VAV3: variants seen among roughly 807,000 people sequenced by gnomAD.
VAV3 encodes guanine nucleotide exchange factor VAV3.
In VAV3, 94 loss-of-function variants were observed where a neutral mutation model predicts 131.2. The observed-to-expected ratio is 0.72, with a 90% CI of 0.61 to 0.85. The LOEUF is 0.85. Ranked by LOEUF, VAV3 falls within the 40% of genes least tolerant of loss-of-function variation. The probability of loss-of-function intolerance (pLI) is 0.00; values close to 1 mark genes in which losing one functional copy is unlikely to be tolerated. For synonymous variants in VAV3, 349 were observed against 342.0 expected, an observed-to-expected ratio of 1.02 and a Z score of -0.22; for missense variants, 939 against 1,002.7, an observed-to-expected ratio of 0.94 and a Z score of 0.86.
chr1:107,602,627 G>A, intron 23 of VAV3, 143 bp from the exon 24 acceptor site: 1 of 580,488 alleles, frequency 1.7e-6, no homozygotes, highest in Non-Finnish European at 2.8e-6. Flanking sequence ...ACTGGTGACA[G>A]CTAATTAACA....
At chr1:107,639,936 TAAA>T (rs35664876) in intron 20 of VAV3, among the ~76,000 whole-genome samples, 16 of 139,082 alleles carry the variant, frequency 1.2e-4, no homozygotes, top group African/African-American at 1.1e-4. Flanking sequence ...ACCCTGTATT[TAAA>T]AAAAAAAAAA....
intron 12 of VAV3, among the ~76,000 whole-genome samples, chr1:107,751,674 CG>C (rs541302911): frequency 6.7e-6 from 1 of 148,520 alleles, no homozygotes; most frequent in Non-Finnish European, 1.5e-5. Context: ...CAGAAAGGGG[CG>C]GGGGGGCGCG....
chr1:107,956,413 T>C (rs555110618), intron 1 of VAV3, among the ~76,000 whole-genome samples: 1 of 152,294 alleles, frequency 6.6e-6, no homozygotes, highest in Admixed American at 6.5e-5. Context: ...AGCTTTTGTT[T>C]GGGGTTTCAC....
At chr1:107,728,600 CGTATAT>C (rs55725323) in intron 15 of VAV3, among the ~76,000 whole-genome samples, 2,826 of 136,926 alleles carry the variant, frequency 0.021, 66 homozygotes, top group Middle Eastern at 0.04. Flanking sequence ...TATACGTATA[CGTATAT>C]GTATATGTAT....
At chr1:107,783,894 A>G (rs1484068919) in intron 2 of VAV3, among the ~76,000 whole-genome samples, 1 of 119,830 alleles carries the variant, frequency 8.3e-6, no homozygotes, top group East Asian at 2.7e-4. Flanking sequence ...TAAAAATACA[A>G]AAAAAAAAAA....
At chr1:107,759,916 T>C (rs1664321243) in intron 10 of VAV3, among the ~76,000 whole-genome samples, 1 of 152,190 alleles carries the variant, frequency 6.6e-6, no homozygotes, top group Non-Finnish European at 1.5e-5. Context: ...TTATTATTTT[T>C]TCATAAAATC....
chr1:107,758,864 A>G (rs144693943), intron 10 of VAV3, among the ~76,000 whole-genome samples: 1 of 152,292 alleles, frequency 6.6e-6, no homozygotes, highest in East Asian at 1.9e-4. Flanking sequence ...CAATTCTTAA[A>G]TTATGTTCTA....
intron 2 of VAV3, among the ~76,000 whole-genome samples, chr1:107,833,546 A>G (rs1435319751): frequency 6.6e-6 from 1 of 152,056 alleles, no homozygotes; most frequent in African/African-American, 2.4e-5. Flanking sequence ...GACTAACAAA[A>G]TTTTAGAAAT....
At chr1:107,660,516 T>C (rs1000696058) in intron 19 of VAV3, among the ~76,000 whole-genome samples, 2 of 152,222 alleles carry the variant, frequency 1.3e-5, no homozygotes, top group South Asian at 2.1e-4. Context: ...ACTGGCCTTA[T>C]AGCCTCCCTG....
chr1:107,695,310 T>G (rs1302416782), intron 17 of VAV3, among the ~76,000 whole-genome samples: 1 of 152,102 alleles, frequency 6.6e-6, no homozygotes, highest in African/African-American at 2.4e-5. Context: ...ATAAATTATG[T>G]AAGAATAAGA....
intron 1 of VAV3, among the ~76,000 whole-genome samples, chr1:107,917,835 G>C (rs887549734): frequency 6.6e-6 from 1 of 151,880 alleles, no homozygotes; most frequent in Admixed American, 6.6e-5. Context: ...CTGAAATCCA[G>C]AATACTTTGA....
At chr1:107,942,247 T>C (rs777314036) in intron 1 of VAV3, among the ~76,000 whole-genome samples, 2 of 152,312 alleles carry the variant, frequency 1.3e-5, no homozygotes, top group East Asian at 1.9e-4. Context: ...GAATATTTTA[T>C]ACAAACTAGA....
At chr1:107,806,364 T>G (rs1299702004) in intron 2 of VAV3, among the ~76,000 whole-genome samples, 3 of 152,040 alleles carry the variant, frequency 2.0e-5, no homozygotes, top group African/African-American at 7.2e-5. Context: ...TTGGAGTGTC[T>G]TTACTTCTCT....
chr1:107,909,088 C>T (rs1672248516), intron 1 of VAV3, among the ~76,000 whole-genome samples: 1 of 152,150 alleles, frequency 6.6e-6, no homozygotes, highest in Non-Finnish European at 1.5e-5. Context: ...TATTTGCTAT[C>T]TAAAAATAAC....
chr1:107,574,442 A>C (rs1043522181), intron 25 of VAV3, among the ~76,000 whole-genome samples: 1 of 152,184 alleles, frequency 6.6e-6, no homozygotes, highest in Non-Finnish European at 1.5e-5. Context: ...TAAGAACCTC[A>C]ATCAAAGTAA....
intron 20 of VAV3, among the ~76,000 whole-genome samples, chr1:107,625,189 G>T (rs1653921433): frequency 6.6e-6 from 1 of 151,510 alleles, no homozygotes; most frequent in Non-Finnish European, 1.5e-5. Flanking sequence ...ACTCAGTCAT[G>T]GTTGGCCAAA....
At chr1:107,850,387 A>C (rs991531261) in intron 2 of VAV3, among the ~76,000 whole-genome samples, 1 of 152,224 alleles carries the variant, frequency 6.6e-6, no homozygotes, top group Non-Finnish European at 1.5e-5. Context: ...GATACTGTGC[A>C]CCCATAAAAA....
chr1:107,753,541 T>TGTATATATATATACACAC (rs1663904959), intron 12 of VAV3, among the ~76,000 whole-genome samples: 1 of 89,702 alleles, frequency 1.1e-5, no homozygotes, highest in African/African-American at 3.8e-5. Flanking sequence ...TATATATATA[T>TGTATATATATATACACAC]ATATATATAC....
intron 1 of VAV3, among the ~76,000 whole-genome samples, chr1:107,936,903 A>C (rs1038311875): frequency 1.7e-4 from 26 of 152,126 alleles, no homozygotes; most frequent in African/African-American, 6.0e-4. Context: ...GATACACATC[A>C]TTCCTTAAAA....
Sources: allele counts gnomAD v4.1 joint callset (sites outside exome capture counted in the v4.1 genomes callset), GRCh38; gene constraint gnomAD v4.1.1; transcripts MANE v1.5; gene names NCBI Gene and HGNC (gene_info 2026-07-23, HGNC 2026-07-21).